HSD17B2: variants seen among roughly 807,000 people sequenced by gnomAD.
HSD17B2 encodes hydroxysteroid 17-beta dehydrogenase 2.
A neutral mutation model predicts 26.9 loss-of-function variants in HSD17B2; 32 were observed. The observed-to-expected ratio is 1.19, with a 90% CI of 0.90 to 1.60. The LOEUF (loss-of-function observed/expected upper bound fraction) is 1.60. Among genes scored for constraint, HSD17B2 ranks in the 40% most tolerant of loss-of-function variants. The pLI is 0.00. For missense variants in HSD17B2, 613 were observed against 468.6 expected, an observed-to-expected ratio of 1.31 and a Z score of -2.85; for synonymous variants, 246 against 186.7, an observed-to-expected ratio of 1.32 and a Z score of -2.59.
chr16:82,070,852 A>G (rs909469755), intron 2 of HSD17B2, 90 bp from the exon 3 acceptor site: 50 of 1,261,462 alleles, frequency 4.0e-5, no homozygotes, highest in Non-Finnish European at 5.5e-5. Context: ...GCTCACACGT[A>G]ACACCTCTTG....
intron 1 of HSD17B2, 26 bp from the exon 2 acceptor site, chr16:82,068,144 C>A (rs1335417726): frequency 1.1e-5 from 17 of 1,603,032 alleles, no homozygotes; most frequent in Non-Finnish European, 1.5e-5. Context: ...TTTGACCTCA[C>A]TCCCTACTCC....
At chr16:82,084,229 G>A (rs1397871214) in intron 3 of HSD17B2, among the ~76,000 whole-genome samples, 1 of 152,074 alleles carries the variant, frequency 6.6e-6, no homozygotes, top group Non-Finnish European at 1.5e-5. Flanking sequence ...TGGCACTACT[G>A]GCATTTTGGT....
chr16:82,043,511 C>T (rs1184757622), intron 1 of HSD17B2, among the ~76,000 whole-genome samples: 3 of 142,832 alleles, frequency 2.1e-5, no homozygotes, highest in South Asian at 2.1e-4. Context: ...GGTGAAACCC[C>T]GCCTCTACTA....
chr16:82,077,316 G>T (rs1386286640), intron 3 of HSD17B2, among the ~76,000 whole-genome samples: 7 of 152,202 alleles, frequency 4.6e-5, no homozygotes, highest in South Asian at 2.1e-4. Flanking sequence ...CATGAAAACA[G>T]ACATATAGAC....
At position 82,068,329 on chromosome 16, in the gene HSD17B2, C is replaced by T. The variant is rs1434591248; in HGVS notation, c.425C>T (p.Pro142Leu). 1.2e-6 allele frequency: 2 copies of T among 1,613,962 alleles called. No homozygotes were observed. Among genetic ancestry groups the T allele is most frequent in the South Asian group, 2.2e-5 (2 of 91,042 alleles). The change falls in exon 2 of 5, where the codon CCA becomes CTA. Residue 142 changes from proline (P) to leucine (L), a missense_variant. By Grantham distance (98) the Pro-to-Leu change is moderately conservative (BLOSUM62 -3). Transcript: ENST00000199936. ...GTGCTCCAAATGGACATCACGAAGC[C>T]AGTGCAGATAAAAGATGCTTACAGC... is the stretch of plus-strand genomic sequence containing the variant. ...LSVLQMDITKPVQIKDAYSKV... is the reference protein window; with the variant it reads ...LSVLQMDITKLVQIKDAYSKV...
chr16:82,039,839 C>T (rs139979671), intron 1 of HSD17B2, among the ~76,000 whole-genome samples: 4 of 152,272 alleles, frequency 2.6e-5, no homozygotes, highest in South Asian at 2.1e-4. Flanking sequence ...GGGGAAGACA[C>T]GGCCACACCC....
chr16:82,068,525 TG>T (rs1389321124), intron 2 of HSD17B2, 143 bp downstream of exon 2: 1 of 661,992 alleles, frequency 1.5e-6, no homozygotes, highest in Non-Finnish European at 2.6e-6. Context: ...CTACCATGTG[TG>T]GGGGCCTCTA....
chr16:82,066,950 T>G (rs1178414326), intron 1 of HSD17B2, among the ~76,000 whole-genome samples: 1 of 152,236 alleles, frequency 6.6e-6, no homozygotes, highest in Non-Finnish European at 1.5e-5. Context: ...ATCATTTATG[T>G]GCCTGCAAGT....
rs1427714445 is a variant in HSD17B2 at position 82,098,341 on chromosome 16, GGC to G, written c.1070_1071del (p.Gly357AspfsTer3). The G allele has an allele frequency of 6.2e-7, 1 of 1,614,128 alleles. No homozygotes were observed. The highest frequency in any genetic ancestry group is 8.5e-7 in the Non-Finnish European group (1 of 1,180,018). ...WICLAHYLPI[G>X]IYDYFAKRHF... ...CTGCCTTGCTCACTATTTGCCTATT[GGC>G]ATATATGATTACTTTGCTAAAAGAC... On this transcript the variant is annotated frameshift_variant, in exon 5 of 5. Transcript: ENST00000199936. LOFTEE classifies it low-confidence loss of function (END_TRUNC).
intron 3 of HSD17B2, among the ~76,000 whole-genome samples, chr16:82,083,603 A>C (rs1179580852): frequency 6.6e-6 from 1 of 152,138 alleles, no homozygotes; most frequent in East Asian, 1.9e-4. Context: ...TTAGCGACCC[A>C]AAAACCATCC....
intron 3 of HSD17B2, among the ~76,000 whole-genome samples, chr16:82,084,548 TTTATTA>T (rs905035700): frequency 7.3e-5 from 10 of 137,520 alleles, no homozygotes; most frequent in African/African-American, 2.5e-4. Flanking sequence ...AACTGTTCTT[TTTATTA>T]TTATTTTTTT....
chr16:82,042,573 T>A (rs1386222090), intron 1 of HSD17B2, among the ~76,000 whole-genome samples: 1 of 152,244 alleles, frequency 6.6e-6, no homozygotes, highest in African/African-American at 2.4e-5. Flanking sequence ...AATCTCCCAT[T>A]TAAAACAAGT....
chr16:82,080,228 A>T (rs1001830125), intron 3 of HSD17B2, among the ~76,000 whole-genome samples: 1 of 152,212 alleles, frequency 6.6e-6, no homozygotes, highest in Admixed American at 6.5e-5. Context: ...GGGTCCCCAG[A>T]AACATACACG....
intron 1 of HSD17B2, among the ~76,000 whole-genome samples, chr16:82,061,653 T>C (rs966105669): frequency 1.3e-5 from 2 of 152,212 alleles, no homozygotes; most frequent in African/African-American, 4.8e-5. Flanking sequence ...TCAAATTGTA[T>C]GTGTGCTATA....
intron 1 of HSD17B2, among the ~76,000 whole-genome samples, chr16:82,046,752 T>TA (rs2143927538): frequency 6.6e-6 from 1 of 152,308 alleles, no homozygotes; most frequent in Non-Finnish European, 1.5e-5. Flanking sequence ...TCAATACCCC[T>TA]ATTCTAGAGT....
At chr16:82,036,320 T>TTGTGTGTGTGTG (rs10609893) in intron 1 of HSD17B2, among the ~76,000 whole-genome samples, 3 of 145,782 alleles carry the variant, frequency 2.1e-5, no homozygotes, top group Non-Finnish European at 3.0e-5. Context: ...TTTCCCTTGT[T>TTGTGTGTGTGTG]TGTGTGTGTG....
chr16:82,067,634 C>G (rs1022117524), intron 1 of HSD17B2, among the ~76,000 whole-genome samples: 10 of 152,204 alleles, frequency 6.6e-5, no homozygotes, highest in African/African-American at 2.4e-4. Flanking sequence ...GGGAAAAAGG[C>G]CCAGGAGGGT....
chr16:82,098,528 C>T lies in HSD17B2; in HGVS notation c.*92C>T, dbSNP rs1037268845. ...GGTTTCTCATTAAAGTTGTTTCCCA[C>T]TCTGTATTCTCTGTGAAATTCATTG... On this transcript the variant is annotated 3_prime_UTR_variant, in exon 5 of 5. Transcript: ENST00000199936. 19 of 1,313,472 alleles carry T rather than the reference C, an allele frequency of 1.4e-5. No individual in the cohort carries two copies. In the African/African-American group the frequency reaches 2.5e-4, roughly 17 times the overall value. 81.4% of individuals were successfully genotyped at this position (1,313,472 alleles called of 1,614,324 possible).
intron 4 of HSD17B2, chr16:82,097,216 GTCTATGTCTA>G (rs1170179057): frequency 5.4e-5 from 1 of 18,664 alleles, no homozygotes; most frequent in Admixed American, 8.2e-4. Flanking sequence ...ATATGTCTAT[GTCTATGTCTA>G]TGTCTATGTC....
Sources: allele counts gnomAD v4.1 joint callset (sites outside exome capture counted in the v4.1 genomes callset), GRCh38; gene constraint gnomAD v4.1.1; transcripts MANE v1.5; gene names NCBI Gene and HGNC (gene_info 2026-07-23, HGNC 2026-07-21).